Variants in LUC7L2 observed in about 807,000 individuals in gnomAD.
The protein encoded by LUC7L2 is putative RNA-binding protein Luc7-like 2.
In LUC7L2, 25 loss-of-function variants were observed where a neutral mutation model predicts 52.8. That is an observed-to-expected ratio of 0.47 (90% confidence interval 0.34 to 0.66). The LOEUF (loss-of-function observed/expected upper bound fraction) is 0.66, where lower values mean the gene tolerates loss of function less well. Ranked by LOEUF, LUC7L2 falls within the 30% of genes least tolerant of loss-of-function variation. The pLI is 0.01. For missense variants in LUC7L2, 328 were observed against 497.8 expected (o/e 0.66, Z 3.25); for synonymous variants, 144 against 160.9 (o/e 0.89, Z 0.80).
intron 1 of LUC7L2, among the ~76,000 whole-genome samples, chr7:139,371,733 C>G (rs1266437816): frequency 6.6e-6 from 1 of 152,074 alleles, no homozygotes. Flanking sequence ...TATTTTTTCC[C>G]TCCTGATATA....
upstream of LUC7L2, among the ~76,000 whole-genome samples, chr7:139,358,582 TG>T (rs1254607277): frequency 2.6e-5 from 4 of 152,256 alleles, no homozygotes; most frequent in African/African-American, 9.6e-5. Flanking sequence ...ATCTAGAAAG[TG>T]CCTGTCTTCT....
At chr7:139,348,139 T>A (rs1299018023) in intron 1 of LUC7L2, among the ~76,000 whole-genome samples, 1 of 151,744 alleles carries the variant, frequency 6.6e-6, no homozygotes, top group Non-Finnish European at 1.5e-5. Flanking sequence ...GTTACCATAT[T>A]GAATATATAC....
rs570693167 is a variant in LUC7L2, at chr7:139,366,477, G to T, written c.61+6155G>T. Among the ~76,000 whole-genome samples, 14 of 133,594 alleles carry T rather than the reference G, an allele frequency of 1.0e-4. No homozygotes were observed. In the East Asian group the frequency reaches 2.8e-3, roughly 26 times the overall value. 87.6% of individuals were successfully genotyped at this position (133,594 alleles called of 152,430 possible). The stretch of plus-strand genomic sequence containing the variant: ...TTAAATGGTAGACTTTTCTCTTAAA[G>T]TAACTTTAATAGTTTAATAGTTAAA... On this transcript the variant is annotated intron_variant, in intron 1 of 9. Transcript: ENST00000354926.
At chr7:139,357,556 AT>A (rs1203769450), upstream of LUC7L2, among the ~76,000 whole-genome samples, 2 of 152,198 alleles carry the variant, frequency 1.3e-5, no homozygotes, top group African/African-American at 4.8e-5. Flanking sequence ...TCAAAGACAT[AT>A]TAATTTGCAC....
chr7:139,420,713 AT>A (rs1795860319), intron 9 of LUC7L2, among the ~76,000 whole-genome samples: 1 of 152,128 alleles, frequency 6.6e-6, no homozygotes, highest in Non-Finnish European at 1.5e-5. Flanking sequence ...TTTAGGTATC[AT>A]TTTTACCATC....
intron 1 of LUC7L2, among the ~76,000 whole-genome samples, chr7:139,343,891 A>G (rs534168107): frequency 5.0e-4 from 70 of 140,696 alleles, no homozygotes; most frequent in South Asian, 8.8e-4. Context: ...ACGCTATTGC[A>G]CTCCAGCCTG....
At chr7:139,377,826 T>C (rs1800795313) in intron 2 of LUC7L2, among the ~76,000 whole-genome samples, 1 of 67,936 alleles carries the variant, frequency 1.5e-5, no homozygotes, top group East Asian at 3.7e-4. Flanking sequence ...CGCGCCTGGC[T>C]TTTTTTTTTT....
At chr7:139,393,037 C>A (rs35209997) in intron 2 of LUC7L2, among the ~76,000 whole-genome samples, 10 of 151,648 alleles carry the variant, frequency 6.6e-5, no homozygotes, top group Non-Finnish European at 1.0e-4. Context: ...GAGGCCGAGG[C>A]GGTTGAATTA....
rs376617507 is a variant in LUC7L2, at chr7:139,420,118, C to CATCT, written c.1002-2036_1002-2033dup. 1.4e-3 allele frequency among the ~76,000 whole-genome samples: 210 copies of CATCT among 152,312 alleles called. 1 individual carries two copies. Among genetic ancestry groups the CATCT allele is most frequent in the African/African-American group, 3.7e-3 (154 of 41,570 alleles). ...GCCCTGCGTAAATGAGGACCATTTGCATCTATCTATCTTTTTGCTCTGTTC... is the reference window on the plus strand; with the variant it reads ...GCCCTGCGTAAATGAGGACCATTTGCATCTATCTATCTATCTTTTTGCTCTGTTC... On this transcript the variant is annotated intron_variant, in intron 9 of 9. Transcript: ENST00000354926.
rs1795965607 is a variant in LUC7L2, at chr7:139,423,051, T to C, written c.*711T>C. ...TGTTCTAGGGGGTGGGGGCAGGGACTCTTTTCGTAATAAGCACTTGTTTTA... is the reference window on the plus strand; with the variant it reads ...TGTTCTAGGGGGTGGGGGCAGGGACCCTTTTCGTAATAAGCACTTGTTTTA... On this transcript the variant is annotated 3_prime_UTR_variant, in exon 10 of 10. Coordinates refer to ENST00000354926, the MANE Select transcript of LUC7L2 (RefSeq NM_016019.5). The C allele has an allele frequency of 2.5e-6, 1 of 398,912 alleles. No homozygotes were observed. The highest frequency in any genetic ancestry group is 2.1e-5 in the African/African-American group (1 of 48,636). The allele number at this position is 398,912 out of a possible 1,614,324, so 24.7% of individuals were successfully genotyped here. A position where few individuals can be genotyped will look rare whatever the true frequency, so the allele number is the denominator to read the frequency against.
At chr7:139,358,430 C>T (rs1019220512), upstream of LUC7L2, among the ~76,000 whole-genome samples, 4 of 152,190 alleles carry the variant, frequency 2.6e-5, no homozygotes, top group Admixed American at 6.5e-5. Context: ...TCTATTATTT[C>T]CTTTCAAAGT....
intron 1 of LUC7L2, chr7:139,374,869 G>A (rs900049393): frequency 9.8e-5 from 98 of 996,796 alleles, no homozygotes; most frequent in Non-Finnish European, 1.1e-4. Flanking sequence ...AATCTTTTTT[G>A]TTATTTACAT....
intron 1 of LUC7L2, among the ~76,000 whole-genome samples, chr7:139,371,993 C>T (rs2131204618): frequency 6.6e-6 from 1 of 152,212 alleles, no homozygotes; most frequent in Non-Finnish European, 1.5e-5. Context: ...AGAGTTGTTG[C>T]TTGGTAGAGA....
chr7:139,371,130 C>T (rs1800430609), intron 1 of LUC7L2, among the ~76,000 whole-genome samples: 1 of 152,094 alleles, frequency 6.6e-6, no homozygotes, highest in African/African-American at 2.4e-5. Context: ...GCTTCCCTTC[C>T]CCTGCCCCCA....
Position 139,422,266 on chromosome 7 carries a change from C to T in LUC7L2, c.1105C>T (p.Arg369Trp), listed in dbSNP as rs754703629. The T allele has an allele frequency of 3.9e-5, 63 of 1,614,008 alleles. No homozygotes were observed. Among genetic ancestry groups the T allele is most frequent in the Non-Finnish European group, 4.7e-5 (55 of 1,180,026 alleles). ...TGACAGAGATCGGAAAGATAAGAAG[C>T]GGTCCTATGAGAGTGCTAATGGCAG... ...PRDRDRKDKK[R>W]SYESANGRSE... is the part of the protein sequence containing the mutation. Residue 369 changes from arginine to tryptophan, a missense_variant, in exon 10 of 10, where the codon CGG (arginine) becomes TGG (tryptophan). By Grantham distance (101) the Arg-to-Trp change is moderately radical (BLOSUM62 -3). Transcript: ENST00000354926.
intron 1 of LUC7L2, among the ~76,000 whole-genome samples, chr7:139,340,919 TTGTC>T (rs973157003): frequency 7.2e-5 from 11 of 152,256 alleles, no homozygotes; most frequent in East Asian, 1.9e-4. Flanking sequence ...CCCATGTCCT[TTGTC>T]TGAGCCGCAG....
chr7:139,418,443 G>A lies in LUC7L2; in HGVS notation c.1001+714G>A, dbSNP rs577903849. On this transcript the variant is annotated intron_variant, in intron 9 of 9. Coordinates refer to ENST00000354926, the MANE Select transcript of LUC7L2 (RefSeq NM_016019.5). Reference sequence around the variant, plus strand: ...TTAAACCAGGTAATTTCTGTGTAACGTAAGCCATGTTTAAAATTGCTTTTT... The same window carrying A: ...TTAAACCAGGTAATTTCTGTGTAACATAAGCCATGTTTAAAATTGCTTTTT... Among the ~76,000 whole-genome samples the A allele has an allele frequency of 3.9e-5, 6 of 152,300 alleles. No homozygotes were observed. The South Asian group carries it at 6.2e-4, about 16-fold the overall frequency.
chr7:139,415,399 T>C (rs1476079676), intron 8 of LUC7L2, among the ~76,000 whole-genome samples: 1 of 151,936 alleles, frequency 6.6e-6, no homozygotes, highest in Non-Finnish European at 1.5e-5. Flanking sequence ...ATGAAAAAAT[T>C]ACCTAGAATT....
chr7:139,376,575 TTA>T (rs1800723859), intron 2 of LUC7L2, among the ~76,000 whole-genome samples: 1 of 152,246 alleles, frequency 6.6e-6, no homozygotes, highest in African/African-American at 2.4e-5. Flanking sequence ...TAGTAAATAC[TTA>T]TATCCACACA....
Sources: gnomAD v4.1 joint callset for allele counts (sites outside exome capture counted in the v4.1 genomes callset) on GRCh38, gnomAD v4.1.1 for gene constraint, MANE v1.5 for transcripts, NCBI Gene and HGNC (gene_info 2026-07-23, HGNC 2026-07-21) for gene names.